Variants in FOXN4 observed in about 807,000 individuals in gnomAD.
FOXN4 encodes the protein forkhead box N4.
Under a neutral mutation model 45.0 loss-of-function variants are expected in FOXN4, and 12 were observed. The observed-to-expected ratio is 0.27, with a 90% CI of 0.17 to 0.43. The LOEUF (loss-of-function observed/expected upper bound fraction) is 0.43, where lower values mean the gene tolerates loss of function less well. FOXN4 is among the 20% of genes least tolerant of loss of function. The pLI is 1.00. For synonymous variants in FOXN4, 297 were observed against 295.0 expected, an observed-to-expected ratio of 1.01 and a Z score of -0.07; for missense variants, 560 against 694.9, an observed-to-expected ratio of 0.81 and a Z score of 2.18.
At chr12:109,285,161 T>G in intron 8 of FOXN4, 143 bp downstream of exon 8, 4 of 928,586 alleles carry the variant, frequency 4.3e-6, no homozygotes, top group Non-Finnish European at 6.6e-6. Flanking sequence ...TGTGCGCATA[T>G]TTGTGTGTGT....
intron 8 of FOXN4, 60 bp downstream of exon 8, chr12:109,285,244 C>A: frequency 7.4e-7 from 1 of 1,353,240 alleles, no homozygotes; most frequent in Non-Finnish European, 1.0e-6. Flanking sequence ...CTTCCTCTTC[C>A]GTGTGTGTGT....
chr12:109,302,944 C>T (rs1402217263), intron 2 of FOXN4, among the ~76,000 whole-genome samples: 5 of 152,224 alleles, frequency 3.3e-5, no homozygotes, highest in Non-Finnish European at 7.3e-5. Context: ...TTAGCTAACA[C>T]ATCTTTTGTA....
Position 109,280,041 on chromosome 12 carries a change from G to A in FOXN4, c.1295-111C>T, listed in dbSNP as rs919574391. 4.2e-5 allele frequency: 62 copies of A among 1,480,488 alleles called. No individual in the cohort carries two copies. The African/African-American group carries it at 7.5e-4, about 18-fold the overall frequency. The allele number at this position is 1,480,488 out of a possible 1,614,324, so 91.7% of individuals were successfully genotyped here. On this transcript the variant is annotated intron_variant, in intron 9 of 9. Coordinates refer to ENST00000299162, the MANE Select transcript of FOXN4 (RefSeq NM_213596.3). ...ACCATGTGTGGTGTCTAAGTCATGTGTTGTAGAAAAAGGGCATGGGGCCGG... is the reference window on the plus strand; with the variant it reads ...ACCATGTGTGGTGTCTAAGTCATGTATTGTAGAAAAAGGGCATGGGGCCGG...
chr12:109,307,816 T>C (rs2047935098), intron 2 of FOXN4, among the ~76,000 whole-genome samples: 1 of 152,216 alleles, frequency 6.6e-6, no homozygotes. Context: ...GAACTTAGCA[T>C]ATCTGACTAC....
rs868824637 is a variant in FOXN4 at position 109,285,373 on chromosome 12, T to C, written c.832A>G (p.Met278Val). The C allele has an allele frequency of 1.9e-6, 3 of 1,613,812 alleles. No individual in the cohort carries two copies. The highest frequency in any genetic ancestry group is 1.3e-5 in the African/African-American group (1 of 74,906). ...TTCCACTTGTGCATCTCCTCCTCCATCTTGTCGATGCGGGCCAGGTTCAGA... is the reference window on the plus strand; with the variant it reads ...TTCCACTTGTGCATCTCCTCCTCCACCTTGTCGATGCGGGCCAGGTTCAGA... ...WALNLARIDK[M>V]EEEMHKWKRK... is the part of the protein sequence containing the mutation. The change falls in exon 8 of 10, where the codon ATG becomes GTG. Residue 278 changes from methionine (M) to valine (V), a missense_variant. Met to Val is a conservative substitution (Grantham distance 21). Around this residue, in one of 5 missense-constraint regions of FOXN4, gnomAD observed 315 missense variants for 350.5 expected, o/e 0.90. Coordinates refer to ENST00000299162, the MANE Select transcript of FOXN4 (RefSeq NM_213596.3).
At position 109,290,466 on chromosome 12, in the gene FOXN4, G is replaced by A. The variant is rs1446031259; in HGVS notation, c.87-180C>T. 3.3e-5 allele frequency among the ~76,000 whole-genome samples: 5 copies of A among 152,304 alleles called. No homozygotes were observed. Among genetic ancestry groups the A allele is most frequent in the Middle Eastern group, 3.4e-3 (1 of 294 alleles). On this transcript the variant is annotated intron_variant, in intron 2 of 9. Coordinates refer to ENST00000299162, the MANE Select transcript of FOXN4 (RefSeq NM_213596.3). This position sits in a 1 kb window ranked among gnomAD's most constrained non-coding sequence, Gnocchi z 5.1. The stretch of plus-strand genomic sequence containing the variant: ...ACCTGGTCCCAGATCCCTTTCGGCA[G>A]CCAGATCTTTCATCCTCATCATTCC...
Position 109,285,438 on chromosome 12 carries a change from T to C in FOXN4, c.767A>G (p.Asn256Ser). The stretch of plus-strand genomic sequence containing the variant: ...CTTGCGGGAGGAGCCGCTCATCTTG[T>C]TCTCCACCTTCTCGAAGCACTTGTT... ...SLNKCFEKVENKMSGSSRKGC... is the reference protein window; with the variant it reads ...SLNKCFEKVESKMSGSSRKGC... Residue 256 changes from asparagine (N) to serine (S), a missense_variant, in exon 8 of 10, where the codon AAC becomes AGC. This residue lies in a region of FOXN4 where 39 missense variants were observed against 81.7 expected (regional missense o/e 0.48). Coordinates refer to ENST00000299162, the MANE Select transcript of FOXN4 (RefSeq NM_213596.3). 6 of 1,614,064 alleles carry C rather than the reference T, an allele frequency of 3.7e-6. No homozygotes were observed. Among genetic ancestry groups the C allele is most frequent in the Non-Finnish European group, 5.1e-6 (6 of 1,179,928 alleles).
At chr12:109,286,065 T>C (rs973753019) in intron 7 of FOXN4, among the ~76,000 whole-genome samples, 71 of 152,142 alleles carry the variant, frequency 4.7e-4, no homozygotes, top group African/African-American at 1.6e-3. Flanking sequence ...TCACAATGCA[T>C]CTCACACCAC....
rs1447429592 is a variant in FOXN4 at position 109,287,882 on chromosome 12, T to A, written c.430A>T (p.Thr144Ser). Residue 144 changes from threonine to serine, a missense_variant, in exon 5 of 10, where the codon ACC (threonine) becomes TCC (serine). Thr to Ser is a moderately conservative substitution (Grantham distance 58). Coordinates refer to ENST00000299162, the MANE Select transcript of FOXN4 (RefSeq NM_213596.3). The surrounding 1 kb of genome is among the most constrained non-coding windows in gnomAD (Gnocchi z 4.1). ...GGGGGGAGCGGGAACTGTGGTTGGG[T>A]GGCAGGTGAGTACAGATGCGGCGGG... ...QDPPHLYSPA[T>S]QPQFPLPPGA... 1 of 1,550,498 alleles carries A rather than the reference T, an allele frequency of 6.4e-7. No homozygotes were observed. Among genetic ancestry groups the A allele is most frequent in the East Asian group, 2.4e-5 (1 of 40,846 alleles).
chr12:109,307,354 C>T (rs2136952983), intron 2 of FOXN4, among the ~76,000 whole-genome samples: 1 of 152,280 alleles, frequency 6.6e-6, no homozygotes, highest in South Asian at 2.1e-4. Flanking sequence ...AGCCTACAGA[C>T]ATGTTGCTTG....
intron 2 of FOXN4, among the ~76,000 whole-genome samples, chr12:109,304,220 AG>A (rs1203105430): frequency 8.7e-6 from 1 of 115,318 alleles, no homozygotes; most frequent in Admixed American, 9.6e-5. Flanking sequence ...AAGAAAAGAA[AG>A]AGAAAGAAAG....
chr12:109,278,194 C>G lies in FOXN4; in HGVS notation c.*1477G>C, dbSNP rs1489210398. On this transcript the variant is annotated 3_prime_UTR_variant, in exon 10 of 10. Transcript: ENST00000299162. ...TAGAAAGTTCCAGAACTGGGAAAAA[C>G]TTAAAGCTCGCCCTTCAAGGCGGGG... is the stretch of plus-strand genomic sequence containing the variant. 1 of 152,270 alleles carries G rather than the reference C, an allele frequency of 6.6e-6. No homozygotes were observed. Among genetic ancestry groups the G allele is most frequent in the Admixed American group, 6.5e-5 (1 of 15,286 alleles). 9.4% of individuals were successfully genotyped at this position (152,270 alleles called of 1,614,324 possible).
chr12:109,283,940 A>T (rs1325705912), intron 8 of FOXN4, among the ~76,000 whole-genome samples: 2 of 152,254 alleles, frequency 1.3e-5, no homozygotes, highest in Non-Finnish European at 2.9e-5. Context: ...TTTGTTCACA[A>T]ACCTTCTGCT....
rs557264639 is a variant in FOXN4 at position 109,306,395 on chromosome 12, T to C, written c.86+1841A>G. ...TCTGAATCCTAGCAATTGTTCTCAC[T>C]CTCTGACTCCCCTATCTCCAGTGCT... On this transcript the variant is annotated intron_variant, in intron 2 of 9. Transcript: ENST00000299162. Among the ~76,000 whole-genome samples the C allele has an allele frequency of 4.6e-5, 7 of 152,308 alleles. No homozygotes were observed. In the South Asian group the frequency reaches 1.0e-3, roughly 23 times the overall value.
chr12:109,285,008 CGTGCATTTGTGTGCACAGGTGTGTGA>C (rs1265503258), intron 8 of FOXN4, among the ~76,000 whole-genome samples: 14 of 129,328 alleles, frequency 1.1e-4, no homozygotes, highest in African/African-American at 3.3e-4. Flanking sequence ...TGCGTGTGTG[CGTGCATTTGTGTGCACAGGTGTGTGA>C]GTGCATTTGT....
intron 9 of FOXN4, among the ~76,000 whole-genome samples, chr12:109,280,844 G>A (rs747049313): frequency 6.6e-6 from 1 of 152,232 alleles, no homozygotes; most frequent in South Asian, 2.1e-4. Flanking sequence ...ATTTATTGGA[G>A]ATGATCATGC....
At position 109,291,672 on chromosome 12, in the gene FOXN4, T is replaced by C. The variant is rs1040023801; in HGVS notation, c.87-1386A>G. Among the ~76,000 whole-genome samples the C allele has an allele frequency of 2.6e-5, 4 of 152,020 alleles. No individual in the cohort carries two copies. Among genetic ancestry groups the C allele is most frequent in the Non-Finnish European group, 5.9e-5 (4 of 67,994 alleles). On this transcript the variant is annotated intron_variant, in intron 2 of 9. Transcript: ENST00000299162. This position sits in a 1 kb window ranked among gnomAD's most constrained non-coding sequence, Gnocchi z 6.6. ...TTGCCATGGCCACACTGCTCAGTTG[T>C]CGCAGGGCCGGGCCCTGGGCCCACA... is the stretch of plus-strand genomic sequence containing the variant.
intron 2 of FOXN4, among the ~76,000 whole-genome samples, chr12:109,298,396 C>T (rs1338896216): frequency 3.1e-5 from 4 of 130,974 alleles, no homozygotes; most frequent in African/African-American, 5.8e-5. Flanking sequence ...CATGGAGTTT[C>T]GCTCTTCTCC....
At chr12:109,307,767 A>G (rs528108264) in intron 2 of FOXN4, among the ~76,000 whole-genome samples, 5 of 152,360 alleles carry the variant, frequency 3.3e-5, no homozygotes, top group South Asian at 2.1e-4. Context: ...AGTGAGGCCC[A>G]GGGCAAAGGA....
Sources: gnomAD v4.1 joint callset for allele counts (sites outside exome capture counted in the v4.1 genomes callset) on GRCh38, gnomAD v4.1.1 for gene constraint, gnomAD v4.1.1 regional missense constraint, Gnocchi (gnomAD v3.1) non-coding constraint, MANE v1.5 for transcripts, NCBI Gene and HGNC (gene_info 2026-07-23, HGNC 2026-07-21) for gene names.